Variants in AASDHPPT observed in about 807,000 individuals in gnomAD.
AASDHPPT encodes the protein aminoadipate-semialdehyde dehydrogenase-phosphopantetheinyl transferase.
In AASDHPPT, 23 loss-of-function variants were observed where a neutral mutation model predicts 36.4. The observed-to-expected ratio is 0.63, with a 90% CI of 0.45 to 0.89. The LOEUF is 0.89. Ranked by LOEUF, AASDHPPT falls within the 40% of genes least tolerant of loss-of-function variation. AASDHPPT has a pLI of 0.00. For missense variants in AASDHPPT, 377 were observed against 378.2 expected, an observed-to-expected ratio of 1.00 and a Z score of 0.03; for synonymous variants, 115 against 128.0, an observed-to-expected ratio of 0.90 and a Z score of 0.68.
rs1591545371 is a variant in AASDHPPT at position 106,091,236 on chromosome 11, C to G, written c.532-80C>G. The G allele has an allele frequency of 3.2e-6, 4 of 1,265,226 alleles. No individual in the cohort carries two copies. The East Asian group carries it at 7.2e-5, about 23-fold the overall frequency. The allele number at this position is 1,265,226 out of a possible 1,614,324, so 78.4% of individuals were successfully genotyped here. ...CATAATGTAGTATAGCATTGAAACT[C>G]CCTATCTTTTGGACCTGTAGATTCT... On this transcript the variant is annotated intron_variant, in intron 3 of 5. Coordinates refer to ENST00000278618, the MANE Select transcript of AASDHPPT (RefSeq NM_015423.3).
Position 106,098,538 on chromosome 11 carries a change from T to C in AASDHPPT, c.*1631T>C, listed in dbSNP as rs1221661556. 1 of 151,936 alleles carries C rather than the reference T, an allele frequency of 6.6e-6. No individual in the cohort carries two copies. Among genetic ancestry groups the C allele is most frequent in the Non-Finnish European group, 1.5e-5 (1 of 67,916 alleles). 9.4% of individuals were successfully genotyped at this position (151,936 alleles called of 1,614,324 possible). A position where few individuals can be genotyped will look rare whatever the true frequency, so the allele number is the denominator to read the frequency against. On this transcript the variant is annotated 3_prime_UTR_variant, in exon 6 of 6. Coordinates refer to ENST00000278618, the MANE Select transcript of AASDHPPT (RefSeq NM_015423.3). ...AAATTTGAATGTTTTTTTTTTTTAT[T>C]TTATTAAGCATGCCCAGTTATGCCA... is the stretch of plus-strand genomic sequence containing the variant.
At chr11:106,085,840 A>G (rs1362262234) in intron 2 of AASDHPPT, 1 of 152,234 alleles carries the variant, frequency 6.6e-6, no homozygotes, top group Non-Finnish European at 1.5e-5. Flanking sequence ...AGTAAATGTT[A>G]AATAAATAAC....
At chr11:106,078,530 A>G (rs922929750) in intron 1 of AASDHPPT, among the ~76,000 whole-genome samples, 2 of 152,262 alleles carry the variant, frequency 1.3e-5, no homozygotes, top group African/African-American at 2.4e-5. Context: ...AATCTGTACA[A>G]TATGGTGCAA....
intron 2 of AASDHPPT, among the ~76,000 whole-genome samples, chr11:106,080,870 T>A (rs1565409925): frequency 6.6e-6 from 1 of 152,338 alleles, no homozygotes; most frequent in East Asian, 1.9e-4. Flanking sequence ...CCTATTTACT[T>A]GTTAGATTTC....
At chr11:106,090,824 A>C in intron 3 of AASDHPPT, 146 bp downstream of exon 3, 1 of 1,134,314 alleles carries the variant, frequency 8.8e-7, no homozygotes, top group Non-Finnish European at 1.2e-6. Flanking sequence ...GTTTTTATGC[A>C]TATGGTATTA....
chr11:106,084,546 C>T (rs190066052), intron 2 of AASDHPPT, among the ~76,000 whole-genome samples: 26 of 152,230 alleles, frequency 1.7e-4, no homozygotes, highest in African/African-American at 5.8e-4. Flanking sequence ...GATCTGCCTG[C>T]CTCAGCCTCC....
chr11:106,085,381 G>A (rs758653215), intron 2 of AASDHPPT, among the ~76,000 whole-genome samples: 4 of 152,186 alleles, frequency 2.6e-5, no homozygotes, highest in Non-Finnish European at 4.4e-5. Flanking sequence ...GATTACAGGC[G>A]TGAGCCACTG....
At position 106,079,549 on chromosome 11, in the gene AASDHPPT, A is replaced by G. The variant is rs1364856917; in HGVS notation, c.266A>G (p.Lys89Arg). 17 of 1,614,198 alleles carry G rather than the reference A, an allele frequency of 1.1e-5. No individual in the cohort carries two copies. Among genetic ancestry groups the G allele is most frequent in the Admixed American group, 3.3e-5 (2 of 60,026 alleles). ...WNHIRLQRTA[K>R]GKPVLAKDSS... ...CATATTCGTTTGCAAAGAACTGCAAAAGGAAAACCAGTTCTTGCAAAGGAC... is the reference window on the plus strand; with the variant it reads ...CATATTCGTTTGCAAAGAACTGCAAGAGGAAAACCAGTTCTTGCAAAGGAC... The change falls in exon 2 of 6, where the codon AAA becomes AGA. Residue 89 changes from lysine to arginine, a missense_variant. Coordinates refer to ENST00000278618, the MANE Select transcript of AASDHPPT (RefSeq NM_015423.3).
chr11:106,086,677 C>T (rs1861201587), intron 2 of AASDHPPT, among the ~76,000 whole-genome samples: 1 of 152,040 alleles, frequency 6.6e-6, no homozygotes, highest in Non-Finnish European at 1.5e-5. Flanking sequence ...CAAAAAGTGG[C>T]AGATCTCATC....
intron 2 of AASDHPPT, among the ~76,000 whole-genome samples, chr11:106,080,254 A>T (rs572418816): frequency 6.6e-6 from 1 of 152,234 alleles, no homozygotes; most frequent in South Asian, 2.1e-4. Flanking sequence ...GACTTCATAT[A>T]TGCAGGTTCC....
At position 106,091,216 on chromosome 11, in the gene AASDHPPT, T is replaced by C; in HGVS notation, c.532-100T>C. 4.1e-6 allele frequency: 4 copies of C among 977,306 alleles called. No individual in the cohort carries two copies. The South Asian group carries it at 6.7e-5, about 16-fold the overall frequency. 60.5% of individuals were successfully genotyped at this position (977,306 alleles called of 1,614,324 possible). ...AAAGGTTATAGCTATATAGCCATAATGTAGTATAGCATTGAAACTCCCTAT... is the reference window on the plus strand; with the variant it reads ...AAAGGTTATAGCTATATAGCCATAACGTAGTATAGCATTGAAACTCCCTAT... On this transcript the variant is annotated intron_variant, in intron 3 of 5. Coordinates refer to ENST00000278618, the MANE Select transcript of AASDHPPT (RefSeq NM_015423.3).
rs182738222 is a variant in AASDHPPT, at chr11:106,095,111, C to T, written c.765+457C>T. On this transcript the variant is annotated intron_variant, in intron 5 of 5. Coordinates refer to ENST00000278618, the MANE Select transcript of AASDHPPT (RefSeq NM_015423.3). ...ATTGCACTCCAGCCTGGGAAACAAG[C>T]GAAACTCCGTCTCAAAAAAAAGAAA... Among the ~76,000 whole-genome samples the T allele has an allele frequency of 1.8e-3, 276 of 151,962 alleles. 2 individuals carry two copies. Among genetic ancestry groups the T allele is most frequent in the African/African-American group, 6.2e-3 (256 of 41,426 alleles).
Position 106,096,896 on chromosome 11 carries a change from A to C in AASDHPPT, c.919A>C (p.Thr307Pro). The C allele has an allele frequency of 6.2e-7, 1 of 1,606,354 alleles. No homozygotes were observed. The highest frequency in any genetic ancestry group is 8.5e-7 in the Non-Finnish European group (1 of 1,177,244). ...FTEEIPIRNGTKS is the reference protein window; with the variant it reads ...FTEEIPIRNGPKS Reference sequence around the variant, plus strand: ...AGAAGAAATTCCAATACGAAATGGTACAAAGTCATGATGATTCCCTGAGTA... The same window carrying C: ...AGAAGAAATTCCAATACGAAATGGTCCAAAGTCATGATGATTCCCTGAGTA... Residue 307 changes from threonine (T) to proline (P), a missense_variant, in exon 6 of 6, where the codon ACA becomes CCA. Transcript: ENST00000278618.
At chr11:106,082,286 C>T (rs1161262059) in intron 2 of AASDHPPT, among the ~76,000 whole-genome samples, 3 of 152,140 alleles carry the variant, frequency 2.0e-5, no homozygotes, top group Non-Finnish European at 4.4e-5. Context: ...ATGGACACAG[C>T]ATGATTTCTT....
chr11:106,091,466 TG>T lies in AASDHPPT; in HGVS notation c.685del (p.Ala229HisfsTer7). 6.3e-7 allele frequency: 1 copy of T among 1,579,046 alleles called. No homozygotes were observed. The highest frequency in any genetic ancestry group is 2.3e-5 in the East Asian group (1 of 43,880). ...CCTGGATGGAGAGGAAGAAAAAGAA[TG>T]GGCATTTGAGGTAAGAAATTTGTTA... Reference protein sequence around the residue: ...LFLDGEEEKEWAFEESKIDEH... With the variant: ...LFLDGEEEKEXAFEESKIDEH... On this transcript the variant is annotated frameshift_variant, in exon 4 of 6. Coordinates refer to ENST00000278618, the MANE Select transcript of AASDHPPT (RefSeq NM_015423.3). LOFTEE classifies it high-confidence loss of function.
rs376817081 is a variant in AASDHPPT at position 106,079,731 on chromosome 11, C to T, written c.409+39C>T. The T allele has an allele frequency of 1.8e-4, 271 of 1,531,124 alleles. 1 individual carries two copies. In the African/African-American group the frequency reaches 2.9e-3, roughly 16 times the overall value. The allele number at this position is 1,531,124 out of a possible 1,614,324, so 94.8% of individuals were successfully genotyped here. A position where few individuals can be genotyped will look rare whatever the true frequency, so the allele number is the denominator to read the frequency against. The stretch of plus-strand genomic sequence containing the variant: ...TTTCTAGTATGGCAGTTAAGTGTCT[C>T]GATGCCTCAGTTCTATTGCTATTGA... On this transcript the variant is annotated intron_variant, in intron 2 of 5. Transcript: ENST00000278618.
chr11:106,084,010 A>T (rs1398402729), intron 2 of AASDHPPT, among the ~76,000 whole-genome samples: 1 of 152,174 alleles, frequency 6.6e-6, no homozygotes, highest in Non-Finnish European at 1.5e-5. Flanking sequence ...TATCCATAAT[A>T]TATAAAGAGC....
chr11:106,094,563 A>G lies in AASDHPPT; in HGVS notation c.694-20A>G. On this transcript the variant is annotated intron_variant, in intron 4 of 5. Transcript: ENST00000278618. ...TTTACATATTTTATAATCTATATTTATTTACCTTTTATCTTTCAGGAAAGC... is the reference window on the plus strand; with the variant it reads ...TTTACATATTTTATAATCTATATTTGTTTACCTTTTATCTTTCAGGAAAGC... 1 of 1,564,678 alleles carries G rather than the reference A, an allele frequency of 6.4e-7. No individual in the cohort carries two copies. The highest frequency in any genetic ancestry group is 8.7e-7 in the Non-Finnish European group (1 of 1,152,410).
At chr11:106,080,796 G>A (rs763287017) in intron 2 of AASDHPPT, among the ~76,000 whole-genome samples, 11 of 152,210 alleles carry the variant, frequency 7.2e-5, no homozygotes, top group Admixed American at 1.3e-4. Context: ...TGAATATGTG[G>A]CTCTCTCAGT....
Sources: allele counts gnomAD v4.1 joint callset (sites outside exome capture counted in the v4.1 genomes callset), GRCh38; gene constraint gnomAD v4.1.1; transcripts MANE v1.5; gene names NCBI Gene and HGNC (gene_info 2026-07-23, HGNC 2026-07-21).